The following PRKD1 variants were observed in gnomAD, a reference collection of about 807,000 sequenced individuals.
PRKD1 encodes serine/threonine-protein kinase D1.
Under a neutral mutation model 95.9 loss-of-function variants are expected in PRKD1, and 63 were observed. The ratio of observed to expected loss-of-function variants is 0.66; its 90% CI spans 0.54 to 0.81. The LOEUF is 0.81. PRKD1 is among the 30% of genes least tolerant of loss of function. The probability of loss-of-function intolerance (pLI) is 0.00; values close to 1 mark genes in which losing one functional copy is unlikely to be tolerated. For missense variants in PRKD1, 1,048 were observed against 1,165.3 expected (o/e 0.90, Z 1.47); for synonymous variants, 425 against 423.1 (o/e 1.00, Z -0.05).
intron 13 of PRKD1, among the ~76,000 whole-genome samples, chr14:29,611,669 G>T (rs1878475052): frequency 6.7e-6 from 1 of 149,740 alleles, no homozygotes; most frequent in Non-Finnish European, 1.5e-5. Flanking sequence ...TGTTCTTCAA[G>T]TATGACCCCC....
At chr14:29,824,652 A>T (rs1237811806) in intron 1 of PRKD1, among the ~76,000 whole-genome samples, 1 of 152,162 alleles carries the variant, frequency 6.6e-6, no homozygotes, top group Non-Finnish European at 1.5e-5. Flanking sequence ...TTTGGCTGAC[A>T]TCAACAGAAT....
At chr14:29,672,069 G>A (rs60320824) in intron 2 of PRKD1, among the ~76,000 whole-genome samples, 3,597 of 152,200 alleles carry the variant, frequency 0.024, 115 homozygotes, top group African/African-American at 0.071. Flanking sequence ...ATTGGCCGGC[G>A]TGGTGGCTCA....
chr14:29,654,162 A>G (rs1055218467), intron 4 of PRKD1, among the ~76,000 whole-genome samples: 1 of 151,686 alleles, frequency 6.6e-6, no homozygotes, highest in African/African-American at 2.4e-5. Context: ...AATAATTTTT[A>G]TTTTTACTTT....
intron 1 of PRKD1, among the ~76,000 whole-genome samples, chr14:29,879,193 T>C (rs1893411231): frequency 6.6e-6 from 1 of 152,114 alleles, no homozygotes; most frequent in Non-Finnish European, 1.5e-5. Context: ...TCTGCCTCAT[T>C]CCTAAAACAC....
At chr14:29,899,263 A>T (rs1894237360) in intron 1 of PRKD1, among the ~76,000 whole-genome samples, 1 of 152,194 alleles carries the variant, frequency 6.6e-6, no homozygotes, top group East Asian at 1.9e-4. Flanking sequence ...TTTATTGTAT[A>T]AATTAATTTA....
At chr14:29,628,494 C>G (rs2139103628) in intron 11 of PRKD1, among the ~76,000 whole-genome samples, 1 of 152,186 alleles carries the variant, frequency 6.6e-6, no homozygotes, top group East Asian at 1.9e-4. Flanking sequence ...AAAAACTGAG[C>G]TGCAAGGATG....
intron 1 of PRKD1, among the ~76,000 whole-genome samples, chr14:29,886,908 T>C (rs1294795649): frequency 6.6e-6 from 1 of 152,246 alleles, no homozygotes; most frequent in Non-Finnish European, 1.5e-5. Flanking sequence ...TGAATTGTAA[T>C]TGTTCTTCGT....
chr14:29,920,126 G>A (rs1465946147), intron 1 of PRKD1, among the ~76,000 whole-genome samples: 4 of 150,848 alleles, frequency 2.7e-5, no homozygotes, highest in Non-Finnish European at 5.9e-5. Flanking sequence ...AGAAAGAAAA[G>A]AAAAGAGAGA....
intron 12 of PRKD1, among the ~76,000 whole-genome samples, chr14:29,625,063 A>G (rs1374457773): frequency 2.0e-5 from 3 of 152,158 alleles, no homozygotes; most frequent in African/African-American, 7.2e-5. Context: ...TAACATACAA[A>G]CTAACTTGAA....
At chr14:29,889,867 C>T (rs962232453) in intron 1 of PRKD1, among the ~76,000 whole-genome samples, 1 of 152,132 alleles carries the variant, frequency 6.6e-6, no homozygotes, top group Non-Finnish European at 1.5e-5. Context: ...GCATGTGTAC[C>T]CTAGAACTTA....
chr14:29,620,996 G>C (rs564130933), intron 13 of PRKD1, among the ~76,000 whole-genome samples: 1 of 152,016 alleles, frequency 6.6e-6, no homozygotes, highest in East Asian at 1.9e-4. Flanking sequence ...ACTATGACTA[G>C]AATACTATGC....
intron 1 of PRKD1, among the ~76,000 whole-genome samples, chr14:29,751,401 C>T (rs952618317): frequency 5.3e-5 from 8 of 152,064 alleles, no homozygotes; most frequent in Non-Finnish European, 7.4e-5. Flanking sequence ...ATGAGGCATG[C>T]ACATTAAGCT....
In PRKD1 at chr14:29,903,272, T is replaced by G. The variant is rs187366496; in HGVS notation, c.264+23977A>C. Among the ~76,000 whole-genome samples, 23 of 152,342 alleles carry G rather than the reference T, an allele frequency of 1.5e-4. 1 individual carries two copies. In the East Asian group the frequency reaches 4.2e-3, roughly 28 times the overall value. ...CTATCCAACCAGCCTCGAAACGGGCTAATGGCATCACCACAAATCATTCTG... is the reference window on the plus strand; with the variant it reads ...CTATCCAACCAGCCTCGAAACGGGCGAATGGCATCACCACAAATCATTCTG... On this transcript the variant is annotated intron_variant, in intron 1 of 17. Coordinates refer to ENST00000331968, the MANE Select transcript of PRKD1 (RefSeq NM_002742.3).
chr14:29,691,191 G>A (rs539583523), intron 2 of PRKD1, among the ~76,000 whole-genome samples: 1 of 152,256 alleles, frequency 6.6e-6, no homozygotes, highest in South Asian at 2.1e-4. Context: ...TCATACATCT[G>A]GTTGTCCCCA....
At chr14:29,750,835 C>A (rs1887449030) in intron 1 of PRKD1, among the ~76,000 whole-genome samples, 3 of 152,088 alleles carry the variant, frequency 2.0e-5, no homozygotes. Flanking sequence ...ATCTGCAGTA[C>A]TTTTGGGCCA....
intron 1 of PRKD1, among the ~76,000 whole-genome samples, chr14:29,851,120 A>G (rs1181325874): frequency 6.6e-6 from 1 of 152,014 alleles, no homozygotes; most frequent in Non-Finnish European, 1.5e-5. Flanking sequence ...AACTACAAAA[A>G]CCCTACAAGA....
chr14:29,789,401 C>T (rs1889432176), intron 1 of PRKD1, among the ~76,000 whole-genome samples: 1 of 152,098 alleles, frequency 6.6e-6, no homozygotes, highest in African/African-American at 2.4e-5. Context: ...TGGGGGAAGA[C>T]TTTTTCCTAC....
intron 2 of PRKD1, among the ~76,000 whole-genome samples, chr14:29,720,707 G>A (rs573093877): frequency 6.6e-6 from 1 of 151,922 alleles, no homozygotes; most frequent in East Asian, 1.9e-4. Context: ...TTAAACCCGG[G>A]AGGTGGAGGT....
intron 2 of PRKD1, among the ~76,000 whole-genome samples, chr14:29,694,739 GAGA>G (rs1211861998): frequency 6.6e-6 from 1 of 152,186 alleles, no homozygotes; most frequent in Non-Finnish European, 1.5e-5. Context: ...AGGGTGGCCA[GAGA>G]AGGACTCACT....
Sources: allele counts gnomAD v4.1 joint callset (sites outside exome capture counted in the v4.1 genomes callset), GRCh38; gene constraint gnomAD v4.1.1; transcripts MANE v1.5; gene names NCBI Gene and HGNC (gene_info 2026-07-23, HGNC 2026-07-21).